MRC1: variants seen among roughly 807,000 people sequenced by gnomAD.
MRC1 encodes mannose receptor C-type 1.
Under a neutral mutation model 102.9 loss-of-function variants are expected in MRC1, and 62 were observed. That is an observed-to-expected ratio of 0.60 (90% confidence interval 0.49 to 0.74). The LOEUF (loss-of-function observed/expected upper bound fraction) is 0.74. MRC1 is among the 30% of genes least tolerant of loss of function. MRC1 has a pLI of 0.00. For synonymous variants in MRC1, 457 were observed against 298.4 expected, an observed-to-expected ratio of 1.53 and a Z score of -5.48; for missense variants, 1,237 against 862.8, an observed-to-expected ratio of 1.43 and a Z score of -5.43.
chr10:17,849,696 A>G lies in MRC1; in HGVS notation c.1181A>G (p.Glu394Gly). 1.3e-6 allele frequency: 1 copy of G among 781,018 alleles called. No homozygotes were observed. The highest frequency in any genetic ancestry group is 2.4e-5 in the East Asian group (1 of 41,226). 48.4% of individuals were successfully genotyped at this position (781,018 alleles called of 1,614,324 possible). Residue 394 changes from glutamate (E) to glycine (G), a missense_variant, in exon 7 of 30, where the codon GAA becomes GGA. Transcript: ENST00000569591. ...QRDALTTCRKEGGDLTSIHTI... is the reference protein window; with the variant it reads ...QRDALTTCRKGGGDLTSIHTI... ...GATGCTCTGACCACCTGCAGGAAGG[A>G]AGGCGGTGACCTCACAAGTATCCAC...
intron 1 of MRC1, among the ~76,000 whole-genome samples, chr10:17,822,168 G>C (rs1180671350): frequency 1.3e-5 from 2 of 152,076 alleles, no homozygotes; most frequent in Admixed American, 1.3e-4. Context: ...TGAATCACCA[G>C]TTCCAAATTA....
At chr10:17,880,717 G>A in intron 20 of MRC1, 47 bp downstream of exon 20, 1 of 779,758 alleles carries the variant, frequency 1.3e-6, no homozygotes, top group Non-Finnish European at 2.4e-6. Flanking sequence ...AGTATGGAGA[G>A]TGATGCAAAT....
chr10:17,830,721 C>T (rs1242384051), intron 3 of MRC1, among the ~76,000 whole-genome samples: 1 of 151,388 alleles, frequency 6.6e-6, no homozygotes, highest in Admixed American at 6.6e-5. Flanking sequence ...ATCAGCAAAC[C>T]TAAACATTAA....
rs1460514174 is a variant in MRC1 at position 17,875,710 on chromosome 10, G to A, written c.2550+457G>A. Among the ~76,000 whole-genome samples the A allele has an allele frequency of 2.6e-5, 4 of 152,266 alleles. No individual in the cohort carries two copies. In the East Asian group the frequency reaches 7.7e-4, roughly 29 times the overall value. Reference sequence around the variant, plus strand: ...TTCCATATGTTTGCAATTGCAAATTGTGCCAATATTATAACGTGTGTGCAA... The same window carrying A: ...TTCCATATGTTTGCAATTGCAAATTATGCCAATATTATAACGTGTGTGCAA... On this transcript the variant is annotated intron_variant, in intron 17 of 29. Transcript: ENST00000569591.
intron 17 of MRC1, 132 bp downstream of exon 17, chr10:17,875,385 T>C: frequency 2.9e-6 from 2 of 692,326 alleles, no homozygotes; most frequent in Non-Finnish European, 2.6e-6. Context: ...GTATACGCTG[T>C]ACTGAATGTG....
rs1297894845 is a variant in MRC1, at chr10:17,845,531, GT to G, written c.1063+100del. 1.4e-5 allele frequency: 11 copies of G among 760,262 alleles called. No individual in the cohort carries two copies. In the East Asian group the frequency reaches 2.4e-4, roughly 17 times the overall value. 47.1% of individuals were successfully genotyped at this position (760,262 alleles called of 1,614,324 possible). A position where few individuals can be genotyped will look rare whatever the true frequency, so the allele number is the denominator to read the frequency against. ...TGTAACTGTTGGAATGCCGCCAGAG[GT>G]TTTGTGGATAGTTGATGGGGTAAAC... On this transcript the variant is annotated intron_variant, in intron 6 of 29. Coordinates refer to ENST00000569591, the MANE Select transcript of MRC1 (RefSeq NM_002438.4).
At chr10:17,878,949 T>G (rs950567809) in intron 18 of MRC1, among the ~76,000 whole-genome samples, 1 of 152,202 alleles carries the variant, frequency 6.6e-6, no homozygotes, top group African/African-American at 2.4e-5. Flanking sequence ...CTTCTGGCTC[T>G]CACAGTCTCT....
chr10:17,895,344 ACTT>A (rs1390195999), intron 23 of MRC1, among the ~76,000 whole-genome samples: 3 of 152,066 alleles, frequency 2.0e-5, no homozygotes, highest in Admixed American at 2.0e-4. Context: ...TGTTTTCTAT[ACTT>A]AATTCATGAA....
At chr10:17,871,897 T>C in intron 14 of MRC1, 85 bp from the exon 15 acceptor site, 1 of 733,494 alleles carries the variant, frequency 1.4e-6, no homozygotes, top group South Asian at 1.5e-5. Flanking sequence ...AATGCAAACA[T>C]ATCTTTCGTT....
intron 5 of MRC1, among the ~76,000 whole-genome samples, chr10:17,842,780 C>T (rs1838770804): frequency 6.6e-6 from 1 of 152,100 alleles, no homozygotes; most frequent in East Asian, 1.9e-4. Context: ...CCTACGAGTT[C>T]AGGGAGAAAA....
At chr10:17,908,980 T>C (rs1436558145) in intron 28 of MRC1, among the ~76,000 whole-genome samples, 1 of 152,080 alleles carries the variant, frequency 6.6e-6, no homozygotes, top group African/African-American at 2.4e-5. Flanking sequence ...ATTGGGTAGG[T>C]TTTAAGGGTG....
intron 26 of MRC1, among the ~76,000 whole-genome samples, chr10:17,904,210 G>A (rs1394473339): frequency 6.6e-6 from 1 of 152,084 alleles, no homozygotes; most frequent in African/African-American, 2.4e-5. Flanking sequence ...ATTTACCCTT[G>A]TAGTTTCCTT....
intron 24 of MRC1, among the ~76,000 whole-genome samples, chr10:17,899,563 T>G (rs936748592): frequency 1.2e-4 from 18 of 152,286 alleles, no homozygotes; most frequent in African/African-American, 4.1e-4. Flanking sequence ...CTTCTAATTT[T>G]TGTCACTGGA....
chr10:17,864,700 G>A (rs1472507441), intron 11 of MRC1, among the ~76,000 whole-genome samples: 2 of 152,026 alleles, frequency 1.3e-5, no homozygotes, highest in African/African-American at 2.4e-5. Context: ...GCAGTGGTGC[G>A]TGCCTGTCAT....
At chr10:17,880,735 C>T in intron 20 of MRC1, 65 bp downstream of exon 20, 1 of 777,376 alleles carries the variant, frequency 1.3e-6, no homozygotes, top group Non-Finnish European at 2.4e-6. Context: ...AATCTTTCAG[C>T]TCAAAGTTAA....
In MRC1 at chr10:17,849,692, A is replaced by G. The variant is rs1838884261; in HGVS notation, c.1177A>G (p.Lys393Glu). The change falls in exon 7 of 30, where the codon AAG (lysine) becomes GAG (glutamate). Residue 393 changes from lysine (K) to glutamate (E), a missense_variant. Lys to Glu is a moderately conservative substitution (Grantham distance 56). Transcript: ENST00000569591. ...IQRDALTTCR[K>E]EGGDLTSIHT... ...GAGGGATGCTCTGACCACCTGCAGG[A>G]AGGAAGGCGGTGACCTCACAAGTAT... is the stretch of plus-strand genomic sequence containing the variant. The G allele has an allele frequency of 3.8e-6, 3 of 780,946 alleles. No individual in the cohort carries two copies. The highest frequency in any genetic ancestry group is 7.2e-6 in the Non-Finnish European group (3 of 418,100). 48.4% of individuals were successfully genotyped at this position (780,946 alleles called of 1,614,324 possible).
rs1168073276 is a variant in MRC1, at chr10:17,905,234, G to A, written c.3800-1652G>A. Among the ~76,000 whole-genome samples the A allele has an allele frequency of 3.9e-5, 6 of 152,178 alleles. No individual in the cohort carries two copies. The East Asian group carries it at 1.2e-3, about 29-fold the overall frequency. On this transcript the variant is annotated intron_variant, in intron 26 of 29. Coordinates refer to ENST00000569591, the MANE Select transcript of MRC1 (RefSeq NM_002438.4). The stretch of plus-strand genomic sequence containing the variant: ...GGTTTTTAAGGCTACAGCAGAACTG[G>A]AAAGAAGGCAGAGGGATTAGGACAA...
chr10:17,815,990 A>G (rs1382273347), intron 1 of MRC1, among the ~76,000 whole-genome samples: 1 of 152,018 alleles, frequency 6.6e-6, no homozygotes, highest in Non-Finnish European at 1.5e-5. Context: ...ACATAGGCTA[A>G]TTTTTGTATT....
intron 13 of MRC1, 93 bp downstream of exon 13, chr10:17,870,466 A>G: frequency 1.3e-6 from 1 of 777,252 alleles, no homozygotes; most frequent in Non-Finnish European, 2.4e-6. Flanking sequence ...TTGTTGTCTC[A>G]GGATGCTAGT....
Sources: allele counts gnomAD v4.1 joint callset (sites outside exome capture counted in the v4.1 genomes callset), GRCh38; gene constraint gnomAD v4.1.1; transcripts MANE v1.5; gene names NCBI Gene and HGNC (gene_info 2026-07-23, HGNC 2026-07-21).